Variants in CNTNAP2 observed in about 807,000 individuals in gnomAD.
CNTNAP2 encodes the protein contactin associated protein 2.
CNTNAP2 carries 98 observed loss-of-function variants against 155.2 expected under a neutral mutation model. The ratio of observed to expected loss-of-function variants is 0.63; its 90% CI spans 0.54 to 0.75. CNTNAP2 has a LOEUF of 0.75. Among genes scored for constraint, CNTNAP2 ranks in the 30% least tolerant of loss-of-function variants. CNTNAP2 has a pLI of 0.00. For synonymous variants in CNTNAP2, 651 were observed against 631.2 expected, an observed-to-expected ratio of 1.03 and a Z score of -0.47; for missense variants, 1,727 against 1,688.1, an observed-to-expected ratio of 1.02 and a Z score of -0.40.
At chr7:148,181,495 A>C (rs1795037312) in intron 18 of CNTNAP2, among the ~76,000 whole-genome samples, 1 of 152,226 alleles carries the variant, frequency 6.6e-6, no homozygotes, top group African/African-American at 2.4e-5. Context: ...GATAGCTGCC[A>C]AGTTTAAGTG....
chr7:146,466,408 T>A (rs1430722130), intron 1 of CNTNAP2, among the ~76,000 whole-genome samples: 1 of 152,220 alleles, frequency 6.6e-6, no homozygotes, highest in East Asian at 1.9e-4. Context: ...CAGGGCTGCA[T>A]TTGAACTACA....
At chr7:147,262,698 C>T (rs1438199145) in intron 8 of CNTNAP2, among the ~76,000 whole-genome samples, 1 of 152,118 alleles carries the variant, frequency 6.6e-6, no homozygotes, top group African/African-American at 2.4e-5. Context: ...CCCAGCTACT[C>T]AGGAGGCTGA....
At chr7:146,308,970 TTATAA>T (rs1800771326) in intron 1 of CNTNAP2, among the ~76,000 whole-genome samples, 1 of 151,890 alleles carries the variant, frequency 6.6e-6, no homozygotes, top group Non-Finnish European at 1.5e-5. Flanking sequence ...AGAACCTAAA[TTATAA>T]TAATAATAAT....
At chr7:146,369,836 A>G (rs1040091590) in intron 1 of CNTNAP2, among the ~76,000 whole-genome samples, 1 of 152,004 alleles carries the variant, frequency 6.6e-6, no homozygotes, top group Admixed American at 6.6e-5. Flanking sequence ...TTTATCTTTG[A>G]GTTTTCTTAT....
At chr7:147,275,489 T>C (rs1804875789) in intron 8 of CNTNAP2, among the ~76,000 whole-genome samples, 1 of 152,000 alleles carries the variant, frequency 6.6e-6, no homozygotes, top group African/African-American at 2.4e-5. Flanking sequence ...TCGAATGCTA[T>C]TGGTGTATAG....
intron 1 of CNTNAP2, among the ~76,000 whole-genome samples, chr7:146,305,159 T>C (rs766529925): frequency 6.6e-6 from 1 of 152,294 alleles, no homozygotes; most frequent in African/African-American, 2.4e-5. Flanking sequence ...TTTATTCTAA[T>C]TAGCCATTTG....
intron 15 of CNTNAP2, among the ~76,000 whole-genome samples, chr7:148,100,938 T>C (rs990554502): frequency 2.0e-5 from 3 of 152,214 alleles, no homozygotes; most frequent in African/African-American, 4.8e-5. Context: ...CACCATGGAA[T>C]ACTATGCAGT....
intron 2 of CNTNAP2, among the ~76,000 whole-genome samples, chr7:146,797,468 C>T (rs1270652542): frequency 6.6e-6 from 1 of 152,160 alleles, no homozygotes; most frequent in Non-Finnish European, 1.5e-5. Context: ...AAATAGCATA[C>T]AGACTATTTC....
At chr7:147,489,576 A>G (rs565731913) in intron 11 of CNTNAP2, among the ~76,000 whole-genome samples, 69 of 152,174 alleles carry the variant, frequency 4.5e-4, no homozygotes, top group Non-Finnish European at 5.3e-4. Context: ...TGTTTATTGT[A>G]TTGACTTATC....
chr7:148,093,663 A>G (rs1189936285), intron 15 of CNTNAP2, among the ~76,000 whole-genome samples: 2 of 152,368 alleles, frequency 1.3e-5, no homozygotes, highest in South Asian at 4.1e-4. Context: ...AGGTCACATC[A>G]GCAACTGAAT....
chr7:147,998,811 T>C (rs1231910166), intron 15 of CNTNAP2, among the ~76,000 whole-genome samples: 1 of 152,190 alleles, frequency 6.6e-6, no homozygotes. Flanking sequence ...GAGCTGAAGA[T>C]AGTCTGTAGA....
chr7:146,139,227 T>A (rs1238008640), intron 1 of CNTNAP2, among the ~76,000 whole-genome samples: 2 of 152,088 alleles, frequency 1.3e-5, no homozygotes. Flanking sequence ...AAATTCAAAA[T>A]TTGGAGTACA....
chr7:146,206,262 T>C (rs1298494652), intron 1 of CNTNAP2, among the ~76,000 whole-genome samples: 1 of 151,920 alleles, frequency 6.6e-6, no homozygotes, highest in African/African-American at 2.4e-5. Flanking sequence ...ATTGTAATAA[T>C]TAATCATTGG....
intron 21 of CNTNAP2, among the ~76,000 whole-genome samples, chr7:148,297,923 G>T (rs1585252390): frequency 6.6e-6 from 1 of 152,102 alleles, no homozygotes; most frequent in Non-Finnish European, 1.5e-5. Flanking sequence ...CTGGCTGTGA[G>T]TTCCCAAACA....
In CNTNAP2 at chr7:147,621,794, G is replaced by A. The variant is rs577700364; in HGVS notation, c.1898-17312G>A. ...CTTCTTACTTATCAATAATAACATT[G>A]AATGTAAATGAACTAAACTCTGCAA... On this transcript the variant is annotated intron_variant, in intron 12 of 23. Transcript: ENST00000361727. 1.8e-4 allele frequency among the ~76,000 whole-genome samples: 27 copies of A among 152,070 alleles called. No homozygotes were observed. The East Asian group carries it at 3.1e-3, about 17-fold the overall frequency.
chr7:147,902,451 T>C (rs529448153), intron 13 of CNTNAP2, among the ~76,000 whole-genome samples: 1 of 152,222 alleles, frequency 6.6e-6, no homozygotes, highest in Non-Finnish European at 1.5e-5. Flanking sequence ...AGGTAGTATT[T>C]GGTTGCATGA....
rs563983944 is a variant in CNTNAP2, at chr7:148,192,249, G to A, written c.3010+19771G>A. On this transcript the variant is annotated intron_variant, in intron 18 of 23. Transcript: ENST00000361727. ...AACAAAATACATTAAATAAACTCTC[G>A]TCATCCACCCCTACACCCTTCTGAG... Among the ~76,000 whole-genome samples the A allele has an allele frequency of 7.2e-5, 11 of 152,144 alleles. No individual in the cohort carries two copies. The East Asian group carries it at 1.7e-3, about 24-fold the overall frequency.
intron 1 of CNTNAP2, among the ~76,000 whole-genome samples, chr7:146,537,118 T>C (rs1168463916): frequency 6.6e-6 from 1 of 152,098 alleles, no homozygotes; most frequent in African/African-American, 2.4e-5. Flanking sequence ...CCAACAATGA[T>C]ACAGTAGTAA....
At chr7:146,757,770 T>C (rs1385176199) in intron 1 of CNTNAP2, among the ~76,000 whole-genome samples, 1 of 152,184 alleles carries the variant, frequency 6.6e-6, no homozygotes, top group East Asian at 1.9e-4. Context: ...ATTATGGTCA[T>C]GAATATACAT....
Sources: gnomAD v4.1 joint callset for allele counts (sites outside exome capture counted in the v4.1 genomes callset) on GRCh38, gnomAD v4.1.1 for gene constraint, MANE v1.5 for transcripts, NCBI Gene and HGNC (gene_info 2026-07-23, HGNC 2026-07-21) for gene names.